The following GALNT13 variants were observed in gnomAD, a reference collection of about 807,000 sequenced individuals.
GALNT13 encodes the protein polypeptide N-acetylgalactosaminyltransferase 13.
A neutral mutation model predicts 64.2 loss-of-function variants in GALNT13; 28 were observed. The observed-to-expected ratio is 0.44, with a 90% CI of 0.32 to 0.60. GALNT13 has a LOEUF of 0.60. GALNT13 is among the 20% of genes least tolerant of loss of function. The pLI is 0.05. For missense variants in GALNT13, 577 were observed against 669.8 expected, an observed-to-expected ratio of 0.86 and a Z score of 1.53; for synonymous variants, 214 against 224.6, an observed-to-expected ratio of 0.95 and a Z score of 0.42.
intron 3 of GALNT13, among the ~76,000 whole-genome samples, chr2:154,113,061 T>G (rs542299680): frequency 1.3e-5 from 2 of 152,296 alleles, no homozygotes; most frequent in South Asian, 4.1e-4. Flanking sequence ...TGATAGGCAG[T>G]ACAGGTGGCA....
At chr2:153,492,130 G>A in the GALNT13 span, among the ~76,000 whole-genome samples, 3 of 152,216 alleles carry the variant, frequency 2.0e-5, no homozygotes, top group Non-Finnish European at 4.4e-5. Flanking sequence ...ATGGTAGTGG[G>A]TGGTAGAATA....
intron 8 of GALNT13, among the ~76,000 whole-genome samples, chr2:154,301,197 A>G (rs576093334): frequency 1.3e-5 from 2 of 152,308 alleles, no homozygotes; most frequent in East Asian, 1.9e-4. Context: ...AATGTGTCTT[A>G]CCTCCATAAT....
chr2:154,349,694 G>T (rs707028), intron 9 of GALNT13, among the ~76,000 whole-genome samples: 1 of 152,210 alleles, frequency 6.6e-6, no homozygotes, highest in South Asian at 2.1e-4. Context: ...CCAGGAAGGG[G>T]GGAGATGGAC....
intron 3 of GALNT13, among the ~76,000 whole-genome samples, chr2:153,981,351 T>C (rs755174234): frequency 6.6e-6 from 1 of 152,156 alleles, no homozygotes; most frequent in Non-Finnish European, 1.5e-5. Flanking sequence ...TATCTCCTGA[T>C]GCTATCCCTC....
intron 9 of GALNT13, among the ~76,000 whole-genome samples, chr2:154,338,290 G>C (rs1256838052): frequency 6.6e-6 from 1 of 152,098 alleles, no homozygotes; most frequent in Non-Finnish European, 1.5e-5. Flanking sequence ...ATTAAATACA[G>C]AATAACCAAT....
the GALNT13 span, among the ~76,000 whole-genome samples, chr2:153,567,631 C>G: frequency 6.6e-6 from 1 of 152,176 alleles, no homozygotes; most frequent in Non-Finnish European, 1.5e-5. Context: ...GATATCTGTC[C>G]AGTGCTTGGA....
chr2:153,471,185 CAT>C, the GALNT13 span, among the ~76,000 whole-genome samples: 1 of 152,220 alleles, frequency 6.6e-6, no homozygotes, highest in East Asian at 1.9e-4. Context: ...TCCCGAAGGA[CAT>C]GTGCAAACAG....
intron 9 of GALNT13, among the ~76,000 whole-genome samples, chr2:154,360,560 T>TG (rs1416851850): frequency 3.3e-5 from 5 of 152,184 alleles, no homozygotes; most frequent in Admixed American, 3.3e-4. Context: ...TAAGAGTATA[T>TG]TTTTGTTTTG....
chr2:154,143,131 TCTAA>T (rs778980164), intron 4 of GALNT13, among the ~76,000 whole-genome samples: 2 of 152,156 alleles, frequency 1.3e-5, no homozygotes, highest in Non-Finnish European at 1.5e-5. Flanking sequence ...ACGAAACTGT[TCTAA>T]CTCAGTTGAT....
intron 3 of GALNT13, among the ~76,000 whole-genome samples, chr2:154,115,980 C>T (rs1468770738): frequency 6.6e-6 from 1 of 152,120 alleles, no homozygotes; most frequent in Non-Finnish European, 1.5e-5. Flanking sequence ...CGCTGGGACT[C>T]TATTCTAGTT....
At chr2:153,561,242 T>C in the GALNT13 span, among the ~76,000 whole-genome samples, 3 of 151,932 alleles carry the variant, frequency 2.0e-5, no homozygotes, top group Non-Finnish European at 2.9e-5. Context: ...CAAATTCTTA[T>C]GCTATATATA....
At chr2:154,172,809 T>TGAAA (rs1254174268) in intron 4 of GALNT13, among the ~76,000 whole-genome samples, 1 of 151,784 alleles carries the variant, frequency 6.6e-6, no homozygotes, top group Non-Finnish European at 1.5e-5. Context: ...ACAACATTGA[T>TGAAA]GAAAGAAATT....
chr2:153,430,154 T>C, the GALNT13 span, among the ~76,000 whole-genome samples: 2 of 152,122 alleles, frequency 1.3e-5, no homozygotes, highest in African/African-American at 4.8e-5. Flanking sequence ...TATACAGAGA[T>C]AGCAACATGG....
At chr2:154,034,852 C>T (rs562756258) in intron 3 of GALNT13, among the ~76,000 whole-genome samples, 87 of 147,928 alleles carry the variant, frequency 5.9e-4, no homozygotes, top group African/African-American at 2.2e-3. Context: ...AAGTTAAAAC[C>T]GTCGTGAGGT....
At chr2:154,427,339 C>T (rs920189421) in intron 11 of GALNT13, among the ~76,000 whole-genome samples, 6 of 152,114 alleles carry the variant, frequency 3.9e-5, no homozygotes, top group Admixed American at 6.6e-5. Context: ...TACCTACCTG[C>T]GGTACAATGG....
intron 8 of GALNT13, among the ~76,000 whole-genome samples, chr2:154,280,690 G>C (rs1235914804): frequency 1.3e-5 from 2 of 152,128 alleles, no homozygotes; most frequent in Non-Finnish European, 2.9e-5. Flanking sequence ...ATTGCAGCTG[G>C]GTACCCAGGT....
At chr2:153,207,405 A>T in the GALNT13 span, among the ~76,000 whole-genome samples, 1 of 152,068 alleles carries the variant, frequency 6.6e-6, no homozygotes, top group African/African-American at 2.4e-5. Flanking sequence ...GTGTTCTTTC[A>T]TCAGAATATG....
the GALNT13 span, among the ~76,000 whole-genome samples, chr2:153,305,197 T>C: frequency 1.3e-5 from 2 of 152,124 alleles, no homozygotes; most frequent in East Asian, 3.9e-4. Flanking sequence ...TTGCTGACTG[T>C]CCAACCTTAT....
chr2:153,654,773 C>G, the GALNT13 span, among the ~76,000 whole-genome samples: 1 of 151,962 alleles, frequency 6.6e-6, no homozygotes, highest in African/African-American at 2.4e-5. Flanking sequence ...AAGCCATATG[C>G]AAATACTATG....
Sources: allele counts gnomAD v4.1 joint callset (sites outside exome capture counted in the v4.1 genomes callset), GRCh38; gene constraint gnomAD v4.1.1; transcripts MANE v1.5; gene names NCBI Gene and HGNC (gene_info 2026-07-23, HGNC 2026-07-21).